The following FIRRM variants were observed in gnomAD, a reference collection of about 807,000 sequenced individuals.
FIRRM encodes FIGNL1-interacting regulator of recombination and mitosis.
chr1:169,797,514 T>C, the FIRRM span, among the ~76,000 whole-genome samples: 1 of 152,162 alleles, frequency 6.6e-6, no homozygotes, highest in Non-Finnish European at 1.5e-5. Flanking sequence ...GGAAGAGGAA[T>C]GAATTCTTGT....
the FIRRM span, among the ~76,000 whole-genome samples, chr1:169,811,838 A>G: frequency 2.7e-5 from 4 of 149,344 alleles, no homozygotes; most frequent in East Asian, 2.6e-4. Flanking sequence ...AATAGATAAT[A>G]GATTATCTAA....
At chr1:169,792,417 G>A in the FIRRM span, 1 of 566,468 alleles carries the variant, frequency 1.8e-6, no homozygotes, top group Non-Finnish European at 3.0e-6. Flanking sequence ...GTTTCACCTA[G>A]TGAGTAAAAG....
chr1:169,811,721 T>TTATC, the FIRRM span, among the ~76,000 whole-genome samples: 1 of 149,832 alleles, frequency 6.7e-6, no homozygotes, highest in African/African-American at 2.5e-5. Context: ...AATAGACAGA[T>TTATC]TATCTAAATA....
the FIRRM span, chr1:169,843,798 G>A: frequency 7.1e-7 from 1 of 1,405,428 alleles, no homozygotes; most frequent in Non-Finnish European, 1.0e-6. Context: ...TTGATACTTT[G>A]TTTGCTAAGG....
the FIRRM span, chr1:169,792,753 T>C: frequency 6.2e-7 from 1 of 1,613,720 alleles, no homozygotes; most frequent in Non-Finnish European, 8.5e-7. Flanking sequence ...CGTCCATTTT[T>C]ACTTAACAGT....
At chr1:169,853,709 A>G in the FIRRM span, 2,159 of 1,613,384 alleles carry the variant, frequency 1.3e-3, 24 homozygotes, top group African/African-American at 0.025. Flanking sequence ...ACTCACATCT[A>G]TTGTCACCAG....
At chr1:169,817,226 A>G in the FIRRM span, among the ~76,000 whole-genome samples, 1 of 152,166 alleles carries the variant, frequency 6.6e-6, no homozygotes, top group Non-Finnish European at 1.5e-5. Context: ...AGAGTCCTGA[A>G]AATTTCTTTC....
the FIRRM span, among the ~76,000 whole-genome samples, chr1:169,836,404 T>A: frequency 1.3e-5 from 2 of 152,328 alleles, 1 homozygote; most frequent in South Asian, 4.1e-4. Context: ...TTTTGATTTG[T>A]GGCTTACCTT....
the FIRRM span, chr1:169,795,514 T>C: frequency 8.6e-7 from 1 of 1,168,290 alleles, no homozygotes; most frequent in Non-Finnish European, 1.1e-6. Flanking sequence ...TACTCGTTGC[T>C]TGCAATTAAG....
At chr1:169,822,608 T>A in the FIRRM span, among the ~76,000 whole-genome samples, 1 of 152,144 alleles carries the variant, frequency 6.6e-6, no homozygotes, top group Admixed American at 6.5e-5. Context: ...CAAGTGATTC[T>A]CCTGCCTCAG....
the FIRRM span, among the ~76,000 whole-genome samples, chr1:169,811,939 G>C: frequency 6.7e-6 from 1 of 149,348 alleles, no homozygotes; most frequent in African/African-American, 2.5e-5. Flanking sequence ...TAGAAACAAA[G>C]AAAGAAAGAA....
At chr1:169,792,759 A>C in the FIRRM span, 23 of 1,613,758 alleles carry the variant, frequency 1.4e-5, no homozygotes, top group Non-Finnish European at 1.8e-5. Context: ...TTTTTACTTA[A>C]CAGTCTAAGG....
At chr1:169,792,661 ATC>A in the FIRRM span, 1 of 1,611,902 alleles carries the variant, frequency 6.2e-7, no homozygotes, top group Non-Finnish European at 8.5e-7. Flanking sequence ...TCTTAAAAAC[ATC>A]TCTTTCTTCT....
the FIRRM span, chr1:169,803,990 T>A: frequency 2.5e-6 from 2 of 816,004 alleles, no homozygotes; most frequent in Non-Finnish European, 3.5e-6. Flanking sequence ...AGTAAATTTA[T>A]GATCTCTAAT....
the FIRRM span, among the ~76,000 whole-genome samples, chr1:169,805,159 T>A: frequency 6.6e-6 from 1 of 152,258 alleles, no homozygotes; most frequent in Non-Finnish European, 1.5e-5. Flanking sequence ...CCTGTTGCTC[T>A]GCAACACACC....
chr1:169,813,595 C>G, the FIRRM span, among the ~76,000 whole-genome samples: 1 of 152,154 alleles, frequency 6.6e-6, no homozygotes, highest in Non-Finnish European at 1.5e-5. Context: ...AGACAAATCT[C>G]TGAAAACAGA....
At chr1:169,796,036 C>A in the FIRRM span, 1 of 899,042 alleles carries the variant, frequency 1.1e-6, no homozygotes, top group Non-Finnish European at 1.3e-6. Flanking sequence ...CAGCTTTATA[C>A]AATTACACTC....
chr1:169,802,038 A>T, the FIRRM span, among the ~76,000 whole-genome samples: 1 of 152,192 alleles, frequency 6.6e-6, no homozygotes, highest in Admixed American at 6.5e-5. Flanking sequence ...CTATTCTTAT[A>T]ATGTTTAGGT....
At chr1:169,812,244 T>C in the FIRRM span, among the ~76,000 whole-genome samples, 1 of 152,316 alleles carries the variant, frequency 6.6e-6, no homozygotes, top group South Asian at 2.1e-4. Flanking sequence ...AACAAATAAG[T>C]TGTGTGTCAC....
Sources: gnomAD v4.1 joint callset for allele counts (sites outside exome capture counted in the v4.1 genomes callset) on GRCh38, gnomAD v4.1.1 for gene constraint, MANE v1.5 for transcripts, NCBI Gene and HGNC (gene_info 2026-07-23, HGNC 2026-07-21) for gene names.